The following RNF4 variants were observed in gnomAD, a reference collection of about 807,000 sequenced individuals.
The protein encoded by RNF4 is ring finger protein 4.
In RNF4, 7 loss-of-function variants were observed where a neutral mutation model predicts 24.3. That is an observed-to-expected ratio of 0.29 (90% confidence interval 0.16 to 0.54). The LOEUF (loss-of-function observed/expected upper bound fraction) is 0.54. Ranked by LOEUF, RNF4 falls within the 20% of genes least tolerant of loss-of-function variation. The pLI, the probability that RNF4 is intolerant of heterozygous loss-of-function variation, is 0.95. For missense variants in RNF4, 209 were observed against 248.5 expected (o/e 0.84, Z 1.07); for synonymous variants, 83 against 84.3 (o/e 0.98, Z 0.09).
chr4:2,512,716 C>A lies in RNF4; in HGVS notation c.374+119C>A. 1 of 1,175,394 alleles carries A rather than the reference C, an allele frequency of 8.5e-7. No homozygotes were observed. The highest frequency in any genetic ancestry group is 1.2e-6 in the Non-Finnish European group (1 of 845,912). The allele number at this position is 1,175,394 out of a possible 1,614,324, so 72.8% of individuals were successfully genotyped here. ...TGGAAGGGCTTGCCCAAGCCTCTAC[C>A]CAGCATCTGGATACAGTTGGAACTG... On this transcript the variant is annotated intron_variant, in intron 6 of 7. Transcript: ENST00000314289. This position sits in a 1 kb window ranked among gnomAD's most constrained non-coding sequence, Gnocchi z 4.1.
chr4:2,487,312 GTC>G (rs1327430834), intron 1 of RNF4, among the ~76,000 whole-genome samples: 1 of 151,992 alleles, frequency 6.6e-6, no homozygotes, highest in African/African-American at 2.4e-5. Context: ...TTGAGACAGA[GTC>G]TCTCTCTGTT....
At chr4:2,486,263 T>G (rs1466520329) in intron 1 of RNF4, among the ~76,000 whole-genome samples, 1 of 152,226 alleles carries the variant, frequency 6.6e-6, no homozygotes, top group African/African-American at 2.4e-5. Context: ...CAGCTGTTGT[T>G]AGTTTTCTTA....
At chr4:2,506,127 C>G (rs1404254299) in intron 4 of RNF4, 1 of 152,082 alleles carries the variant, frequency 6.6e-6, no homozygotes, top group Admixed American at 6.6e-5. Flanking sequence ...TCCTTGAGTC[C>G]TATAAACTTT....
chr4:2,506,642 A>G (rs555029395), intron 4 of RNF4, among the ~76,000 whole-genome samples: 1 of 150,832 alleles, frequency 6.6e-6, no homozygotes, highest in Non-Finnish European at 1.5e-5. Context: ...ATCACGGCTC[A>G]CTGCAGCCTG....
chr4:2,474,484 A>C (rs968238564), intron 1 of RNF4, among the ~76,000 whole-genome samples: 6 of 152,166 alleles, frequency 3.9e-5, no homozygotes, highest in African/African-American at 1.4e-4. Flanking sequence ...TGGACAGGCA[A>C]AGAAAGTGGT....
chr4:2,497,344 A>G (rs1735769395), intron 3 of RNF4: 1 of 352,692 alleles, frequency 2.8e-6, no homozygotes, highest in East Asian at 4.6e-5. Flanking sequence ...TCCATTTAAA[A>G]AAAAATCTAG....
chr4:2,512,744 TC>T lies in RNF4; in HGVS notation c.374+149del. ...GCATCTGGATACAGTTGGAACTGGG[TC>T]CAGAACTGAGTCCAGCTATTCCCAC... On this transcript the variant is annotated intron_variant, in intron 6 of 7. Coordinates refer to ENST00000314289, the MANE Select transcript of RNF4 (RefSeq NM_002938.5). This position sits in a 1 kb window ranked among gnomAD's most constrained non-coding sequence, Gnocchi z 4.1. 2 of 936,016 alleles carry T rather than the reference TC, an allele frequency of 2.1e-6. No homozygotes were observed. The highest frequency in any genetic ancestry group is 3.1e-6 in the Non-Finnish European group (2 of 637,162). The allele number at this position is 936,016 out of a possible 1,614,324, so 58.0% of individuals were successfully genotyped here.
chr4:2,485,947 A>G (rs1299577631), intron 1 of RNF4, among the ~76,000 whole-genome samples: 1 of 152,136 alleles, frequency 6.6e-6, no homozygotes, highest in Non-Finnish European at 1.5e-5. Context: ...AAATTTGAGA[A>G]ATCTGAAAAA....
At chr4:2,499,219 T>C (rs1016461281) in intron 3 of RNF4, 2 of 421,910 alleles carry the variant, frequency 4.7e-6, no homozygotes, top group South Asian at 1.7e-5. Flanking sequence ...TTAAATGCAT[T>C]ACAAGACACT....
At chr4:2,489,411 C>T (rs981501252) in intron 1 of RNF4, among the ~76,000 whole-genome samples, 6 of 152,164 alleles carry the variant, frequency 3.9e-5, no homozygotes, top group Non-Finnish European at 7.3e-5. Flanking sequence ...CTGGATCCCT[C>T]TCACCTGTGT....
chr4:2,495,637 T>TC (rs1464421883), intron 2 of RNF4, among the ~76,000 whole-genome samples: 1 of 97,650 alleles, frequency 1.0e-5, no homozygotes, highest in African/African-American at 3.6e-5. Context: ...CTCTTTTTTT[T>TC]TTGGGGGGGG....
intron 3 of RNF4, among the ~76,000 whole-genome samples, chr4:2,498,479 G>T (rs548437020): frequency 1.2e-3 from 180 of 152,018 alleles, no homozygotes; most frequent in African/African-American, 4.1e-3. Flanking sequence ...TGAGCCACCC[G>T]CCTGGCCTAG....
chr4:2,509,154 G>T (rs1181588654), intron 4 of RNF4, among the ~76,000 whole-genome samples: 1 of 149,340 alleles, frequency 6.7e-6, no homozygotes, highest in African/African-American at 2.5e-5. Flanking sequence ...CCCGACCTCA[G>T]GTTTTCTGCC....
At chr4:2,501,726 G>T (rs1445597126) in intron 4 of RNF4, among the ~76,000 whole-genome samples, 2 of 152,162 alleles carry the variant, frequency 1.3e-5, no homozygotes, top group African/African-American at 4.8e-5. Flanking sequence ...TGCTGCTGAG[G>T]AGGACTGTGG....
At chr4:2,473,165 TGAG>T (rs1734959499) in intron 1 of RNF4, among the ~76,000 whole-genome samples, 1 of 150,956 alleles carries the variant, frequency 6.6e-6, no homozygotes, top group South Asian at 2.1e-4. Context: ...GCAGATCACC[TGAG>T]GTCAGGAGTT....
At chr4:2,511,837 T>G in intron 4 of RNF4, 119 bp from the exon 5 acceptor site, 3 of 1,016,872 alleles carry the variant, frequency 3.0e-6, no homozygotes, top group Non-Finnish European at 4.5e-6. Flanking sequence ...GGGCCTCTGC[T>G]GCTCACCAGA....
chr4:2,476,331 T>C (rs1403946827), intron 1 of RNF4, among the ~76,000 whole-genome samples: 1 of 152,220 alleles, frequency 6.6e-6, no homozygotes, highest in Non-Finnish European at 1.5e-5. Flanking sequence ...AGTTGAAAAG[T>C]TGAAAATGCC....
At chr4:2,481,492 G>T (rs971379397) in intron 1 of RNF4, among the ~76,000 whole-genome samples, 2 of 152,166 alleles carry the variant, frequency 1.3e-5, no homozygotes, top group Non-Finnish European at 2.9e-5. Flanking sequence ...CCTATGTTCT[G>T]TAGGCAATGC....
intron 4 of RNF4, among the ~76,000 whole-genome samples, chr4:2,508,462 C>G (rs1215677633): frequency 1.3e-5 from 2 of 152,156 alleles, no homozygotes; most frequent in Admixed American, 1.3e-4. Flanking sequence ...TGCAGGGATT[C>G]TGGAATTTGA....
Sources: gnomAD v4.1 joint callset for allele counts (sites outside exome capture counted in the v4.1 genomes callset) on GRCh38, gnomAD v4.1.1 for gene constraint, Gnocchi (gnomAD v3.1) non-coding constraint, MANE v1.5 for transcripts, NCBI Gene and HGNC (gene_info 2026-07-23, HGNC 2026-07-21) for gene names.